Variants in ADGRF4 observed in about 807,000 individuals in gnomAD.
ADGRF4 encodes adhesion G protein-coupled receptor F4, also known as G-protein coupled receptor PGR18.
Under a neutral mutation model 58.5 loss-of-function variants are expected in ADGRF4, and 63 were observed. The observed-to-expected ratio is 1.08, with a 90% confidence interval of 0.88 to 1.33. ADGRF4 has a LOEUF of 1.33. Ranked by LOEUF, ADGRF4 falls within the 40% of genes most tolerant of loss-of-function variation. ADGRF4 has a pLI of 0.00. For synonymous variants in ADGRF4, 313 were observed against 295.4 expected (o/e 1.06, Z -0.61); for missense variants, 931 against 843.9 (o/e 1.10, Z -1.28).
chr6:47,716,154 A>T (rs1394088314), intron 6 of ADGRF4, among the ~76,000 whole-genome samples: 1 of 152,002 alleles, frequency 6.6e-6, no homozygotes, highest in Admixed American at 6.6e-5. Context: ...TCTCTTCTTG[A>T]TAGAAAGAAA....
At chr6:47,711,845 T>C (rs1771880147) in intron 4 of ADGRF4, among the ~76,000 whole-genome samples, 1 of 152,180 alleles carries the variant, frequency 6.6e-6, no homozygotes, top group Non-Finnish European at 1.5e-5. Context: ...CTTGCAACTA[T>C]GGTCACACTC....
rs1219449815 is a variant in ADGRF4, at chr6:47,721,794, A to C, written c.*589A>C. The C allele has an allele frequency of 6.6e-6, 1 of 152,082 alleles. No homozygotes were observed. 9.4% of individuals were successfully genotyped at this position (152,082 alleles called of 1,614,324 possible). ...AAGAGAACTGTTTAATATGCTGATT[A>C]TTTTAGTCTATTTTAGACCTTGAGT... On this transcript the variant is annotated 3_prime_UTR_variant, in exon 10 of 10. Transcript: ENST00000283303.
In ADGRF4 at chr6:47,715,139, A is replaced by T. The variant is rs750490598; in HGVS notation, c.1894A>T (p.Thr632Ser). 6 of 1,593,978 alleles carry T rather than the reference A, an allele frequency of 3.8e-6. No homozygotes were observed. Among genetic ancestry groups the T allele is most frequent in the Non-Finnish European group, 5.2e-6 (6 of 1,163,732 alleles). Residue 632 changes from threonine (T) to serine (S), a missense_variant, in exon 6 of 10, where the codon ACG becomes TCG. Physicochemically the swap from Thr to Ser is moderately conservative, Grantham distance 58. Transcript: ENST00000283303. ...IATLIEGTSLTFHIIFALLNA... is the reference protein window; with the variant it reads ...IATLIEGTSLSFHIIFALLNA... Reference sequence around the variant, plus strand: ...CACTCTCATAGAAGGCACTTCCTTGACGTTCCATATAATTTTTGCCTTGCT... The same window carrying T: ...CACTCTCATAGAAGGCACTTCCTTGTCGTTCCATATAATTTTTGCCTTGCT...
At position 47,708,298 on chromosome 6, in the gene ADGRF4, T is replaced by A. The variant is rs114461708; in HGVS notation, c.148+20T>A. The A allele has an allele frequency of 6.3e-7, 1 of 1,583,546 alleles. No individual in the cohort carries two copies. The highest frequency in any genetic ancestry group is 1.7e-5 in the Admixed American group (1 of 59,936). ...TCCAAGGTATGTGGCTATAGAACAG[T>A]CTTCATCCATTTGAAGACAGGGAAG... On this transcript the variant is annotated intron_variant, in intron 3 of 9. Transcript: ENST00000283303.
chr6:47,721,930 T>C lies in ADGRF4; in HGVS notation c.*725T>C, dbSNP rs541387481. Reference sequence around the variant, plus strand: ...TGAGTTTACTGCACATGTTTGTGTTTGTGTATATGTGTCTTTTAAAAATAC... The same window carrying C: ...TGAGTTTACTGCACATGTTTGTGTTCGTGTATATGTGTCTTTTAAAAATAC... On this transcript the variant is annotated 3_prime_UTR_variant, in exon 10 of 10. Transcript: ENST00000283303. 2.0e-5 allele frequency: 3 copies of C among 152,336 alleles called. No individual in the cohort carries two copies. In the South Asian group the frequency reaches 6.2e-4, roughly 32 times the overall value. The allele number at this position is 152,336 out of a possible 1,614,324, so 9.4% of individuals were successfully genotyped here. A position where few individuals can be genotyped will look rare whatever the true frequency, so the allele number is the denominator to read the frequency against.
intron 9 of ADGRF4, among the ~76,000 whole-genome samples, chr6:47,720,048 C>T (rs1303779082): frequency 6.6e-6 from 1 of 152,186 alleles, no homozygotes; most frequent in South Asian, 2.1e-4. Flanking sequence ...CACATCTGGA[C>T]ACACATGGTA....
intron 8 of ADGRF4, among the ~76,000 whole-genome samples, chr6:47,718,108 G>A (rs573562077): frequency 1.6e-4 from 24 of 152,164 alleles, no homozygotes; most frequent in South Asian, 6.2e-4. Flanking sequence ...CATTTTCTTC[G>A]TCTTTTAACG....
At chr6:47,708,411 T>C in intron 3 of ADGRF4, 133 bp downstream of exon 3, 1 of 642,918 alleles carries the variant, frequency 1.6e-6, no homozygotes, top group Non-Finnish European at 2.8e-6. Context: ...TCCTCTGTGC[T>C]TACCAGTATT....
intron 2 of ADGRF4, among the ~76,000 whole-genome samples, chr6:47,707,586 A>G (rs949504079): frequency 2.0e-5 from 3 of 152,200 alleles, no homozygotes; most frequent in African/African-American, 7.2e-5. Flanking sequence ...ATGTAGATAG[A>G]CTGCTGCTGA....
chr6:47,701,376 C>A (rs1026994274), intron 1 of ADGRF4, among the ~76,000 whole-genome samples: 1 of 152,060 alleles, frequency 6.6e-6, no homozygotes, highest in African/African-American at 2.4e-5. Flanking sequence ...TGCGACGTGA[C>A]TTTTTCAGGT....
chr6:47,710,727 C>A lies in ADGRF4; in HGVS notation c.149-8C>A. 1 of 1,568,228 alleles carries A rather than the reference C, an allele frequency of 6.4e-7. No individual in the cohort carries two copies. The highest frequency in any genetic ancestry group is 1.4e-5 in the African/African-American group (1 of 71,512). On this transcript the variant is annotated splice_region_variant and splice_polypyrimidine_tract_variant and intron_variant, in intron 3 of 9. Coordinates refer to ENST00000283303, the MANE Select transcript of ADGRF4 (RefSeq NM_153838.5). ...TGTCTCTCTCTCTTTCTCTTTTTTT[C>A]TTTATAGAGAAATGCGAAGGACCTT...
At chr6:47,708,037 C>A (rs1771762497) in intron 2 of ADGRF4, among the ~76,000 whole-genome samples, 187 bp from the exon 3 acceptor site, 1 of 152,216 alleles carries the variant, frequency 6.6e-6, no homozygotes, top group Non-Finnish European at 1.5e-5. Context: ...AGAGGGCGTG[C>A]ATTCTCCCTG....
rs146781229 is a variant in ADGRF4 at position 47,700,646 on chromosome 6, CT to C, written c.-17+1858del. Among the ~76,000 whole-genome samples, 656 of 152,262 alleles carry C rather than the reference CT, an allele frequency of 4.3e-3. 2 individuals carry two copies. Among genetic ancestry groups the C allele is most frequent in the African/African-American group, 0.014 (572 of 41,550 alleles). Reference sequence around the variant, plus strand: ...GCATGGCATTATTTCCTGCTCAATTCTTTTTTCACATAAGGCTCCAGGCAGT... The same window carrying C: ...GCATGGCATTATTTCCTGCTCAATTCTTTTTCACATAAGGCTCCAGGCAGT... On this transcript the variant is annotated intron_variant, in intron 1 of 9. Coordinates refer to ENST00000283303, the MANE Select transcript of ADGRF4 (RefSeq NM_153838.5).
rs150190613 is a variant in ADGRF4 at position 47,714,744 on chromosome 6, A to T, written c.1499A>T (p.Tyr500Phe). Residue 500 changes from tyrosine to phenylalanine, a missense_variant, in exon 6 of 10, where the codon TAT becomes TTT. Transcript: ENST00000283303. ...CTCTTCAAAGCATTGCTCATCATTTATGGAATATTGGTCATTTTCCGTAGG... is the reference window on the plus strand; with the variant it reads ...CTCTTCAAAGCATTGCTCATCATTTTTGGAATATTGGTCATTTTCCGTAGG... Reference protein sequence around the residue: ...WMLFKALLIIYGILVIFRRMM... With the variant: ...WMLFKALLIIFGILVIFRRMM... The T allele has an allele frequency of 2.4e-5, 38 of 1,613,864 alleles. No individual in the cohort carries two copies. The highest frequency in any genetic ancestry group is 2.3e-5 in the Non-Finnish European group (27 of 1,179,886).
At chr6:47,712,320 A>G (rs1410569589) in intron 4 of ADGRF4, 37 bp from the exon 5 acceptor site, 1 of 1,605,696 alleles carries the variant, frequency 6.2e-7, no homozygotes, top group African/African-American at 1.3e-5. Context: ...GTAGGTACTT[A>G]ATCATTTTTG....
intron 2 of ADGRF4, 135 bp downstream of exon 2, chr6:47,707,473 T>G (rs1771743886): frequency 3.1e-6 from 2 of 654,808 alleles, no homozygotes; most frequent in Middle Eastern, 3.1e-4. Flanking sequence ...TGATAGTAAC[T>G]TTCTAAAGAA....
At chr6:47,720,348 G>A (rs1050429735) in intron 9 of ADGRF4, among the ~76,000 whole-genome samples, 1 of 152,168 alleles carries the variant, frequency 6.6e-6, no homozygotes, top group African/African-American at 2.4e-5. Flanking sequence ...CAAGAATAGA[G>A]GATCGAAGGC....
intron 3 of ADGRF4, 152 bp downstream of exon 3, chr6:47,708,430 C>A (rs1771777294): frequency 3.4e-6 from 2 of 591,706 alleles, no homozygotes; most frequent in African/African-American, 1.9e-5. Context: ...TTGATAGATT[C>A]TCTTACATTT....
At chr6:47,718,117 C>T (rs191524235) in intron 8 of ADGRF4, among the ~76,000 whole-genome samples, 2 of 152,214 alleles carry the variant, frequency 1.3e-5, no homozygotes, top group South Asian at 2.1e-4. Context: ...CGTCTTTTAA[C>T]GTTTCTGAAA....
Sources: gnomAD v4.1 joint callset for allele counts (sites outside exome capture counted in the v4.1 genomes callset) on GRCh38, gnomAD v4.1.1 for gene constraint, MANE v1.5 for transcripts, NCBI Gene and HGNC (gene_info 2026-07-23, HGNC 2026-07-21) for gene names.